The following ATP13A3 variants were observed in gnomAD, a reference collection of about 807,000 sequenced individuals.
ATP13A3 encodes ATPase 13A3.
Under a neutral mutation model 158.1 loss-of-function variants are expected in ATP13A3, and 59 were observed. That is an observed-to-expected ratio of 0.37 (90% CI 0.30 to 0.46). The LOEUF (loss-of-function observed/expected upper bound fraction) is 0.46. Among genes scored for constraint, ATP13A3 ranks in the 20% least tolerant of loss-of-function variants. ATP13A3 has a pLI of 1.00. For synonymous variants in ATP13A3, 491 were observed against 504.3 expected (o/e 0.97, Z 0.35); for missense variants, 1,166 against 1,525.2 (o/e 0.76, Z 3.92).
chr3:194,417,955 GGA>G, intron 31 of ATP13A3, among the ~76,000 whole-genome samples: 1 of 89,556 alleles, frequency 1.1e-5, no homozygotes, highest in African/African-American at 7.1e-5. Context: ...ACAGACGGAC[GGA>G]CGGAAGGAAG....
Position 194,450,452 on chromosome 3 carries a change from G to A in ATP13A3, c.839-176C>T, listed in dbSNP as rs528195112. 3.2e-4 allele frequency: 195 copies of A among 601,954 alleles called. 1 individual carries two copies. The highest frequency in any genetic ancestry group is 2.4e-3 in the African/African-American group (130 of 53,494). 37.3% of individuals were successfully genotyped at this position (601,954 alleles called of 1,614,324 possible). On this transcript the variant is annotated intron_variant, in intron 10 of 33. Transcript: ENST00000645319. ...TAAGATTATTAGGCTAACAAAGCACGGTGTGTCAGCTAGTTAGTCTCCTGC... is the reference window on the plus strand; with the variant it reads ...TAAGATTATTAGGCTAACAAAGCACAGTGTGTCAGCTAGTTAGTCTCCTGC...
At chr3:194,488,667 C>T (rs1343677087), upstream of ATP13A3, 1 of 152,314 alleles carries the variant, frequency 6.6e-6, no homozygotes, top group Non-Finnish European at 1.5e-5. The surrounding 1 kb of genome is among the most constrained non-coding windows in gnomAD (Gnocchi z 4.1). Context: ...CTCTCACCTT[C>T]TGGAATCTCT....
chr3:194,484,751 AAACT>A (rs1224212933), intron 2 of ATP13A3, among the ~76,000 whole-genome samples: 2 of 152,216 alleles, frequency 1.3e-5, no homozygotes, highest in Non-Finnish European at 2.9e-5. Flanking sequence ...TTGGTGACCT[AAACT>A]AACTATGTAA....
At chr3:194,477,060 A>C (rs1720557617) in intron 2 of ATP13A3, among the ~76,000 whole-genome samples, 1 of 152,166 alleles carries the variant, frequency 6.6e-6, no homozygotes, top group African/African-American at 2.4e-5. Flanking sequence ...TTAGAACACA[A>C]TCTGTAGTTC....
intron 29 of ATP13A3, among the ~76,000 whole-genome samples, chr3:194,426,605 T>C (rs1029227148): frequency 2.6e-5 from 4 of 152,168 alleles, no homozygotes; most frequent in Non-Finnish European, 5.9e-5. Flanking sequence ...GTAGGATTAT[T>C]AGGATTTTGC....
intron 30 of ATP13A3, among the ~76,000 whole-genome samples, chr3:194,423,906 T>C (rs1446204602): frequency 6.6e-6 from 1 of 151,746 alleles, no homozygotes; most frequent in Non-Finnish European, 1.5e-5. Context: ...CTGTCTTGCT[T>C]GCAAACCAGT....
chr3:194,419,069 C>G (rs891721743), intron 31 of ATP13A3, among the ~76,000 whole-genome samples: 3 of 152,074 alleles, frequency 2.0e-5, no homozygotes, highest in Admixed American at 6.5e-5. Flanking sequence ...TATTTACCAA[C>G]AGAGGATGGA....
chr3:194,411,398 G>T (rs1715418309), intron 33 of ATP13A3, among the ~76,000 whole-genome samples: 1 of 152,096 alleles, frequency 6.6e-6, no homozygotes, highest in South Asian at 2.1e-4. Flanking sequence ...GCAATGAAGG[G>T]GTGAGATTTT....
At chr3:194,456,861 G>A (rs1463017983) in intron 7 of ATP13A3, among the ~76,000 whole-genome samples, 1 of 152,104 alleles carries the variant, frequency 6.6e-6, no homozygotes, top group African/African-American at 2.4e-5. Context: ...GGGAACTGAT[G>A]AAATATGGTA....
At chr3:194,463,377 A>G (rs1314485226) in intron 2 of ATP13A3, among the ~76,000 whole-genome samples, 1 of 152,056 alleles carries the variant, frequency 6.6e-6, no homozygotes, top group Non-Finnish European at 1.5e-5. Context: ...CAGTTTTCTA[A>G]CTTTTTGTTT....
chr3:194,432,983 C>T (rs1472544278), intron 21 of ATP13A3, among the ~76,000 whole-genome samples: 1 of 151,964 alleles, frequency 6.6e-6, no homozygotes, highest in African/African-American at 2.4e-5. Context: ...TAAACAATAT[C>T]TTACATATAA....
chr3:194,493,850 C>T (rs183839568), intron 2 of ATP13A3, among the ~76,000 whole-genome samples: 21 of 152,212 alleles, frequency 1.4e-4, no homozygotes, highest in Admixed American at 1.4e-3. Flanking sequence ...TGTTCATTTT[C>T]ATAGACGAAG....
intron 2 of ATP13A3, among the ~76,000 whole-genome samples, chr3:194,483,252 C>T (rs996791279): frequency 6.6e-6 from 1 of 151,654 alleles, no homozygotes; most frequent in Non-Finnish European, 1.5e-5. Context: ...CCACTACACT[C>T]TAGCCTGAGT....
intron 21 of ATP13A3, chr3:194,432,117 C>A (rs1056040991): frequency 1.4e-5 from 6 of 423,116 alleles, no homozygotes; most frequent in African/African-American, 1.0e-4. Context: ...AAACATCTCA[C>A]CCACAATTTT....
At chr3:194,483,914 G>A (rs1012021531) in intron 2 of ATP13A3, among the ~76,000 whole-genome samples, 2 of 152,190 alleles carry the variant, frequency 1.3e-5, no homozygotes, top group African/African-American at 2.4e-5. Context: ...AAAAGGATGA[G>A]TACAACATAT....
intron 17 of ATP13A3, among the ~76,000 whole-genome samples, chr3:194,438,295 AATACTT>A (rs1308335287): frequency 1.3e-5 from 2 of 152,236 alleles, no homozygotes; most frequent in Non-Finnish European, 2.9e-5. Context: ...TTGGATATGT[AATACTT>A]ATACATGTAA....
intron 30 of ATP13A3, among the ~76,000 whole-genome samples, chr3:194,423,518 T>C (rs987988415): frequency 6.6e-6 from 1 of 152,198 alleles, no homozygotes; most frequent in Non-Finnish European, 1.5e-5. Flanking sequence ...ACTGGCAGAA[T>C]GCCTGCATCA....
At chr3:194,440,155 T>C (rs1005561098) in intron 16 of ATP13A3, among the ~76,000 whole-genome samples, 6 of 151,974 alleles carry the variant, frequency 3.9e-5, no homozygotes, top group Admixed American at 3.9e-4. Context: ...ATTTCAAATA[T>C]GGAAACAAAG....
chr3:194,437,976 A>G (rs1330175533), intron 17 of ATP13A3, among the ~76,000 whole-genome samples: 1 of 152,168 alleles, frequency 6.6e-6, no homozygotes, highest in Non-Finnish European at 1.5e-5. Context: ...ACTTATCAAC[A>G]TGGTGAAACC....
Sources: gnomAD v4.1 joint callset for allele counts (sites outside exome capture counted in the v4.1 genomes callset) on GRCh38, gnomAD v4.1.1 for gene constraint, Gnocchi (gnomAD v3.1) non-coding constraint, MANE v1.5 for transcripts, NCBI Gene and HGNC (gene_info 2026-07-23, HGNC 2026-07-21) for gene names.